Variants in CCDC80 observed in about 807,000 individuals in gnomAD.
CCDC80 encodes coiled-coil domain containing 80.
CCDC80 carries 49 observed loss-of-function variants against 78.7 expected under a neutral mutation model. The ratio of observed to expected loss-of-function variants is 0.62; its 90% CI spans 0.50 to 0.79. CCDC80 has a LOEUF of 0.79. Ranked by LOEUF, CCDC80 falls within the 30% of genes least tolerant of loss-of-function variation. The pLI is 0.00. For synonymous variants in CCDC80, 488 were observed against 447.0 expected (o/e 1.09, Z -1.16); for missense variants, 1,205 against 1,198.6 (o/e 1.01, Z -0.08).
rs922609887 is a variant in CCDC80, at chr3:112,640,988, G to A, written c.-673C>T. ...CTTGCCTGGATTCAGTCCCAGAAAT[G>A]TTAGGACTACCTCAGTTTTGCTCCA... On this transcript the variant is annotated 5_prime_UTR_variant, in exon 1 of 8. Transcript: ENST00000206423. The A allele has an allele frequency of 1.2e-4, 18 of 151,792 alleles. No individual in the cohort carries two copies. Among genetic ancestry groups the A allele is most frequent in the African/African-American group, 4.4e-4 (18 of 41,326 alleles). 9.4% of individuals were successfully genotyped at this position (151,792 alleles called of 1,614,324 possible). A position where few individuals can be genotyped will look rare whatever the true frequency, so the allele number is the denominator to read the frequency against.
In CCDC80 at chr3:112,605,490, T is replaced by C; in HGVS notation, c.2780A>G (p.His927Arg). 6.2e-7 allele frequency: 1 copy of C among 1,614,198 alleles called. No homozygotes were observed. Among genetic ancestry groups the C allele is most frequent in the South Asian group, 1.1e-5 (1 of 91,084 alleles). Residue 927 changes from histidine to arginine, a missense_variant, in exon 8 of 8, where the codon CAC (histidine) becomes CGC (arginine). Transcript: ENST00000206423. ...EYAGYGYHSYHQGYQDGYQDD... is the reference protein window; with the variant it reads ...EYAGYGYHSYRQGYQDGYQDD... ...CTGGTAACCATCCTGGTATCCTTGG[T>C]GGTAACTATGGTAACCATAGCCTGC... is the stretch of plus-strand genomic sequence containing the variant.
intron 2 of CCDC80, among the ~76,000 whole-genome samples, chr3:112,632,787 G>C (rs934968702): frequency 6.6e-6 from 1 of 152,164 alleles, no homozygotes; most frequent in African/African-American, 2.4e-5. Flanking sequence ...TTAACCACCA[G>C]TGGGGTGACA....
Position 112,622,225 on chromosome 3 carries a change from C to T in CCDC80, c.2036-3121G>A, listed in dbSNP as rs569365144. 3.2e-4 allele frequency among the ~76,000 whole-genome samples: 49 copies of T among 152,296 alleles called. 1 individual carries two copies. Among genetic ancestry groups the T allele is most frequent in the South Asian group, 2.7e-3 (13 of 4,834 alleles). On this transcript the variant is annotated intron_variant, in intron 3 of 7. Transcript: ENST00000206423. ...TATGGCAAGAAACCAATTTCAAAGC[C>T]GGTTTTCTTTCAACCAAAATATTTT...
rs1010619898 is a variant in CCDC80 at position 112,603,109 on chromosome 3, G to C, written c.*2308C>G. The stretch of plus-strand genomic sequence containing the variant: ...GAATTATGCTAAATCTAATCTGCCT[G>C]TGCTCTATAAATGGAGCAACAAAGC... On this transcript the variant is annotated 3_prime_UTR_variant, in exon 8 of 8. Coordinates refer to ENST00000206423, the MANE Select transcript of CCDC80 (RefSeq NM_199511.3). 3 of 152,104 alleles carry C rather than the reference G, an allele frequency of 2.0e-5. No individual in the cohort carries two copies. The highest frequency in any genetic ancestry group is 4.4e-5 in the Non-Finnish European group (3 of 68,028). 9.4% of individuals were successfully genotyped at this position (152,104 alleles called of 1,614,324 possible).
rs1177012762 is a variant in CCDC80, at chr3:112,639,107, G to A, written c.799C>T (p.Arg267Cys). 4 of 1,614,054 alleles carry A rather than the reference G, an allele frequency of 2.5e-6. No homozygotes were observed. Among genetic ancestry groups the A allele is most frequent in the East Asian group, 2.2e-5 (1 of 44,878 alleles). Reference protein sequence around the residue: ...MYEVIDQGPIRRIEKIRQKGF... With the variant: ...MYEVIDQGPICRIEKIRQKGF... ...TTCTGCCTGATCTTCTCGATCCTAC[G>A]GATGGGGCCTTGGTCGATGACCTCG... is the stretch of plus-strand genomic sequence containing the variant. The change falls in exon 2 of 8, where the codon CGT (arginine) becomes TGT (cysteine). Residue 267 changes from arginine (R) to cysteine (C), a missense_variant. Transcript: ENST00000206423.
Position 112,639,561 on chromosome 3 carries a change from A to C in CCDC80, c.345T>G (p.Arg115=), listed in dbSNP as rs144371790. The change falls in exon 2 of 8, where the codon CGT becomes CGG. Residue 115 remains arginine, a synonymous_variant. Transcript: ENST00000206423. The part of the protein sequence containing the change: ...EQRPAARGSP[R]EMIRDEGSSA... ...AGGACCCCTCATCTCTGATCATCTC[A>C]CGCGGAGAGCCCCTGGCTGCTGGTC... is the stretch of plus-strand genomic sequence containing the variant. 4 of 1,613,988 alleles carry C rather than the reference A, an allele frequency of 2.5e-6. No homozygotes were observed. The African/African-American group carries it at 4.0e-5, about 16-fold the overall frequency.
At chr3:112,616,575 G>T in intron 5 of CCDC80, 135 bp downstream of exon 5, 1 of 968,662 alleles carries the variant, frequency 1.0e-6, no homozygotes, top group Non-Finnish European at 1.6e-6. Flanking sequence ...TCAGTGGCCA[G>T]AGATGGGTAG....
At chr3:112,605,982 G>A (rs1935479684) in intron 7 of CCDC80, among the ~76,000 whole-genome samples, 1 of 152,192 alleles carries the variant, frequency 6.6e-6, no homozygotes, top group African/African-American at 2.4e-5. Flanking sequence ...TGGGGCACTC[G>A]ATGTGTCTTT....
chr3:112,639,688 G>T lies in CCDC80; in HGVS notation c.218C>A (p.Pro73His). The change falls in exon 2 of 8, where the codon CCT becomes CAT. Residue 73 changes from proline to histidine, a missense_variant. By Grantham distance (77) the Pro-to-His change is moderately conservative. Transcript: ENST00000206423. ...GGGCACACTCCTCCTTCTCTGGAGAGGCTGAAGGTTTGGTTCCTCCAGAGT... is the reference window on the plus strand; with the variant it reads ...GGGCACACTCCTCCTTCTCTGGAGATGCTGAAGGTTTGGTTCCTCCAGAGT... ...RSTLEEPNLQPLQRRRSVPVL... is the reference protein window; with the variant it reads ...RSTLEEPNLQHLQRRRSVPVL... 6.2e-7 allele frequency: 1 copy of T among 1,614,176 alleles called. No homozygotes were observed. Among genetic ancestry groups the T allele is most frequent in the Non-Finnish European group, 8.5e-7 (1 of 1,180,034 alleles).
chr3:112,613,403 C>G (rs755061851), intron 5 of CCDC80, among the ~76,000 whole-genome samples: 1 of 151,890 alleles, frequency 6.6e-6, no homozygotes, highest in African/African-American at 2.4e-5. Flanking sequence ...GATAAGAGCC[C>G]ATAAAACTCT....
Position 112,602,587 on chromosome 3 carries a change from GAGAAA to G in CCDC80, c.*2825_*2829del, listed in dbSNP as rs1935392561. On this transcript the variant is annotated 3_prime_UTR_variant, in exon 8 of 8. Transcript: ENST00000206423. The stretch of plus-strand genomic sequence containing the variant: ...GTAAAACAGCCTTACTGCTGATATG[GAGAAA>G]CTTTGAGTCATCTGAATAGAAGATC... 1 of 152,232 alleles carries G rather than the reference GAGAAA, an allele frequency of 6.6e-6. No homozygotes were observed. The highest frequency in any genetic ancestry group is 2.4e-5 in the African/African-American group (1 of 41,454). The allele number at this position is 152,232 out of a possible 1,614,324, so 9.4% of individuals were successfully genotyped here.
rs1360218647 is a variant in CCDC80 at position 112,630,051 on chromosome 3, TAA to T, written c.2035+60_2035+61del. ...TTGGATCCCCCATGTACCTCTACCA[TAA>T]AGTTTGTCCCACCTTAGATATGAGA... On this transcript the variant is annotated intron_variant, in intron 3 of 7. Transcript: ENST00000206423. 3.7e-5 allele frequency: 55 copies of T among 1,502,298 alleles called. No individual in the cohort carries two copies. In the Middle Eastern group the frequency reaches 5.4e-4, roughly 15 times the overall value. 93.1% of individuals were successfully genotyped at this position (1,502,298 alleles called of 1,614,324 possible).
chr3:112,634,984 G>A (rs940939840), intron 2 of CCDC80, among the ~76,000 whole-genome samples: 1 of 152,138 alleles, frequency 6.6e-6, no homozygotes, highest in South Asian at 2.1e-4. Flanking sequence ...ACACAGTCTT[G>A]GCAAAGTACC....
In CCDC80 at chr3:112,616,712, G is replaced by C. The variant is rs774309965; in HGVS notation, c.2319C>G (p.Ser773=). The C allele has an allele frequency of 6.2e-7, 1 of 1,614,026 alleles. No individual in the cohort carries two copies. Residue 773 remains serine (S), a splice_region_variant and synonymous_variant, in exon 5 of 8, where the codon TCC becomes TCG. Coordinates refer to ENST00000206423, the MANE Select transcript of CCDC80 (RefSeq NM_199511.3). ...DKKQSLENFL[S]RFRWRRRLLV... is the part of the protein sequence containing the mutation. ...TAGCGACTCCAAAGGTGATGTACCT[G>C]GATAGGAAGTTCTCCAGGGACTGCT...
intron 3 of CCDC80, 141 bp from the exon 4 acceptor site, chr3:112,619,245 G>T (rs1478796926): frequency 4.5e-6 from 3 of 663,770 alleles, no homozygotes; most frequent in Non-Finnish European, 6.9e-6. Flanking sequence ...TTGAACAAAA[G>T]TTTTCGGAGT....
intron 3 of CCDC80, among the ~76,000 whole-genome samples, chr3:112,629,171 A>G (rs1297021649): frequency 1.3e-5 from 2 of 152,112 alleles, no homozygotes; most frequent in Non-Finnish European, 2.9e-5. Flanking sequence ...ATAATTAGTT[A>G]TATATTACTA....
In CCDC80 at chr3:112,607,446, A is replaced by G. The variant is rs185960005; in HGVS notation, c.2426-190T>C. Among the ~76,000 whole-genome samples, 4 of 152,350 alleles carry G rather than the reference A, an allele frequency of 2.6e-5. No individual in the cohort carries two copies. In the East Asian group the frequency reaches 7.7e-4, roughly 29 times the overall value. On this transcript the variant is annotated intron_variant, in intron 6 of 7. Transcript: ENST00000206423. ...GAAAATACTTTCAAAACCTCAAAGA[A>G]GATGAACTGTGATTCTCATTCTACT...
In CCDC80 at chr3:112,605,753, A is replaced by G; in HGVS notation, c.2517T>C (p.Val839=). The part of the protein sequence containing the change: ...LELFPINGSS[V]VEREDVPAHL... ...GGGCTGGTACGTCTTCTCGCTCAAC[A>G]ACAGAGCTCCCTAGAATAACATTGG... The change falls in exon 8 of 8, where the codon GTT becomes GTC. Residue 839 remains valine, a synonymous_variant. Transcript: ENST00000206423. 3 of 1,613,380 alleles carry G rather than the reference A, an allele frequency of 1.9e-6. No individual in the cohort carries two copies. Among genetic ancestry groups the G allele is most frequent in the Non-Finnish European group, 2.5e-6 (3 of 1,179,450 alleles).
chr3:112,640,939 TTTC>T lies in CCDC80; in HGVS notation c.-627_-625del, dbSNP rs779379838. ...TTCTCCCTACCTTTTTCCTCCTCTT[TTTC>T]TTCTTCTTTTTCTTCTTTCTCTTGC... On this transcript the variant is annotated 5_prime_UTR_variant, in exon 1 of 8. Transcript: ENST00000206423. 6.6e-6 allele frequency: 1 copy of T among 151,066 alleles called. No homozygotes were observed. The highest frequency in any genetic ancestry group is 1.5e-5 in the Non-Finnish European group (1 of 67,802). 9.4% of individuals were successfully genotyped at this position (151,066 alleles called of 1,614,324 possible). A position where few individuals can be genotyped will look rare whatever the true frequency, so the allele number is the denominator to read the frequency against.
Sources: gnomAD v4.1 joint callset for allele counts (sites outside exome capture counted in the v4.1 genomes callset) on GRCh38, gnomAD v4.1.1 for gene constraint, MANE v1.5 for transcripts, NCBI Gene and HGNC (gene_info 2026-07-23, HGNC 2026-07-21) for gene names.